AUTS2: variants seen among roughly 807,000 people sequenced by gnomAD.
AUTS2 encodes autism susceptibility gene 2 protein.
AUTS2 carries 17 observed loss-of-function variants against 112.4 expected under a neutral mutation model. That is an observed-to-expected ratio of 0.15 (90% CI 0.10 to 0.23). The LOEUF (loss-of-function observed/expected upper bound fraction) is 0.23, where lower values mean the gene tolerates loss of function less well. AUTS2 is among the 10% of genes least tolerant of loss of function. The probability of loss-of-function intolerance (pLI) is 1.00; values close to 1 mark genes in which losing one functional copy is unlikely to be tolerated. For synonymous variants in AUTS2, 751 were observed against 702.7 expected (o/e 1.07, Z -1.09); for missense variants, 1,510 against 1,701.6 (o/e 0.89, Z 1.98).
At chr7:70,013,763 G>A (rs7783039) in intron 2 of AUTS2, among the ~76,000 whole-genome samples, 36,784 of 152,066 alleles carry the variant, frequency 0.24, 4,439 homozygotes, top group Middle Eastern at 0.32. Flanking sequence ...CTGTCACCAG[G>A]CTGGAGTGCA....
chr7:69,848,105 G>C (rs1792291857), intron 1 of AUTS2, among the ~76,000 whole-genome samples: 1 of 152,142 alleles, frequency 6.6e-6, no homozygotes, highest in South Asian at 2.1e-4. Context: ...TAGATCCCGT[G>C]GTTTGCTGTA....
At chr7:69,939,151 G>T (rs1796529061) in intron 2 of AUTS2, among the ~76,000 whole-genome samples, 1 of 152,086 alleles carries the variant, frequency 6.6e-6, no homozygotes, top group South Asian at 2.1e-4. Flanking sequence ...ACCTATAAAT[G>T]CTGGTGACAC....
chr7:70,339,950 T>TA (rs1181919004), intron 4 of AUTS2, among the ~76,000 whole-genome samples: 1 of 152,138 alleles, frequency 6.6e-6, no homozygotes, highest in Non-Finnish European at 1.5e-5. Flanking sequence ...GTGCCAGAGA[T>TA]ACTTTGAAAG....
chr7:69,738,333 G>A (rs188875323), intron 1 of AUTS2, among the ~76,000 whole-genome samples: 6 of 152,124 alleles, frequency 3.9e-5, no homozygotes, highest in East Asian at 1.9e-4. Context: ...AGCACTGTTC[G>A]TGGTATTTTA....
chr7:70,568,057 G>A (rs975181595), intron 5 of AUTS2, among the ~76,000 whole-genome samples: 3 of 152,210 alleles, frequency 2.0e-5, no homozygotes, highest in African/African-American at 7.2e-5. Flanking sequence ...GTTGCAGAAA[G>A]AGTTTATTCG....
intron 1 of AUTS2, among the ~76,000 whole-genome samples, chr7:69,877,421 C>T (rs1011137618): frequency 1.3e-5 from 2 of 152,050 alleles, no homozygotes; most frequent in African/African-American, 2.4e-5. Flanking sequence ...AGAAACATAC[C>T]GAATTAGAAA....
intron 1 of AUTS2, among the ~76,000 whole-genome samples, chr7:69,806,228 T>TTTA (rs1790300761): frequency 7.8e-6 from 1 of 128,486 alleles, no homozygotes; most frequent in Non-Finnish European, 1.6e-5. Flanking sequence ...TTTTTTTTTT[T>TTTA]AAACCAGCGT....
intron 4 of AUTS2, among the ~76,000 whole-genome samples, chr7:70,204,150 A>G (rs1810451668): frequency 1.3e-5 from 2 of 152,148 alleles, no homozygotes; most frequent in South Asian, 4.1e-4. Context: ...CCCATAATCT[A>G]AGAGGAATTT....
intron 1 of AUTS2, among the ~76,000 whole-genome samples, chr7:69,655,890 G>A (rs1795507506): frequency 1.3e-5 from 2 of 152,172 alleles, no homozygotes; most frequent in Admixed American, 6.5e-5. Context: ...TTGTACTATT[G>A]CAGTCAGCCC....
chr7:69,664,983 C>T (rs945837635), intron 1 of AUTS2, among the ~76,000 whole-genome samples: 5 of 152,244 alleles, frequency 3.3e-5, no homozygotes, highest in South Asian at 4.1e-4. Flanking sequence ...ATTTGGATGA[C>T]GCATCACCTT....
chr7:70,557,774 G>A (rs1304613191), intron 5 of AUTS2, among the ~76,000 whole-genome samples: 1 of 152,200 alleles, frequency 6.6e-6, no homozygotes, highest in African/African-American at 2.4e-5. Context: ...GATGCTGACT[G>A]TCAATATCAC....
Position 69,986,845 on chromosome 7 carries a change from G to A in AUTS2, c.522+87347G>A, listed in dbSNP as rs764067709. On this transcript the variant is annotated intron_variant, in intron 2 of 18. Transcript: ENST00000342771. ...TTCAAAGTGAGAAACAAATTAGCAA[G>A]CAGTTGTTTGGTGAATTTTAAATGC... Among the ~76,000 whole-genome samples, 107 of 152,284 alleles carry A rather than the reference G, an allele frequency of 7.0e-4. 1 individual carries two copies. Among genetic ancestry groups the A allele is most frequent in the Non-Finnish European group, 4.7e-4 (32 of 68,008 alleles).
At chr7:70,346,761 C>T (rs1585041788) in intron 4 of AUTS2, among the ~76,000 whole-genome samples, 1 of 152,150 alleles carries the variant, frequency 6.6e-6, no homozygotes, top group East Asian at 1.9e-4. Context: ...AGAACTAGAG[C>T]ACTCACCAGG....
At chr7:69,943,220 G>A (rs1389615851) in intron 2 of AUTS2, among the ~76,000 whole-genome samples, 1 of 152,150 alleles carries the variant, frequency 6.6e-6, no homozygotes, top group Non-Finnish European at 1.5e-5. Flanking sequence ...TAATACTACT[G>A]CCTACCTTCC....
intron 2 of AUTS2, among the ~76,000 whole-genome samples, chr7:69,921,026 T>A (rs1381811090): frequency 6.6e-6 from 1 of 152,222 alleles, no homozygotes; most frequent in African/African-American, 2.4e-5. Flanking sequence ...AGGGTTTCCT[T>A]ACAGCTGTAT....
chr7:69,926,889 G>A (rs1185251446), intron 2 of AUTS2, among the ~76,000 whole-genome samples: 1 of 145,138 alleles, frequency 6.9e-6, no homozygotes, highest in Non-Finnish European at 1.5e-5. Flanking sequence ...ATAAAGATAT[G>A]TAAGATATAT....
At chr7:70,044,889 A>G (rs1444826657) in intron 2 of AUTS2, among the ~76,000 whole-genome samples, 2 of 151,944 alleles carry the variant, frequency 1.3e-5, no homozygotes, top group African/African-American at 4.8e-5. Flanking sequence ...AATGAAGACA[A>G]TTTGACTTAA....
chr7:70,039,660 G>A (rs1409010524), intron 2 of AUTS2, among the ~76,000 whole-genome samples: 3 of 152,088 alleles, frequency 2.0e-5, no homozygotes, highest in Admixed American at 1.3e-4. Context: ...GAGCTACTGC[G>A]CTTGGGCCAT....
intron 2 of AUTS2, among the ~76,000 whole-genome samples, chr7:70,064,646 CAT>C (rs1802405829): frequency 6.6e-6 from 1 of 152,108 alleles, no homozygotes; most frequent in Non-Finnish European, 1.5e-5. Flanking sequence ...GTTAATTAGA[CAT>C]AAAGACTTAA....
Sources: allele counts gnomAD v4.1 joint callset (sites outside exome capture counted in the v4.1 genomes callset), GRCh38; gene constraint gnomAD v4.1.1; transcripts MANE v1.5; gene names NCBI Gene and HGNC (gene_info 2026-07-23, HGNC 2026-07-21).